GRM7: variants seen among roughly 807,000 people sequenced by gnomAD.
GRM7 encodes glutamate metabotropic receptor 7.
GRM7 carries 35 observed loss-of-function variants against 84.5 expected under a neutral mutation model. That is an observed-to-expected ratio of 0.41 (90% CI 0.32 to 0.55). GRM7 has a LOEUF of 0.55. GRM7 is among the 20% of genes least tolerant of loss of function. The pLI, the probability that GRM7 is intolerant of heterozygous loss-of-function variation, is 0.19. For missense variants in GRM7, 1,003 were observed against 1,194.6 expected (o/e 0.84, Z 2.36); for synonymous variants, 487 against 455.1 (o/e 1.07, Z -0.89).
rs560688467 is a variant in GRM7 at position 7,499,625 on chromosome 3, G to A, written c.1515+37903G>A. Among the ~76,000 whole-genome samples, 4 of 152,246 alleles carry A rather than the reference G, an allele frequency of 2.6e-5. No individual in the cohort carries two copies. The South Asian group carries it at 8.3e-4, about 32-fold the overall frequency. ...ATGAGGAAACTGGGTCACGGAAGAT[G>A]AAAATGCTTCCAGATTACACAGAGT... is the stretch of plus-strand genomic sequence containing the variant. On this transcript the variant is annotated intron_variant, in intron 7 of 9. Transcript: ENST00000357716.
intron 7 of GRM7, among the ~76,000 whole-genome samples, chr3:7,467,675 G>T (rs1012607020): frequency 7.2e-5 from 11 of 152,092 alleles, no homozygotes; most frequent in Non-Finnish European, 1.5e-4. Context: ...AGGTCATATT[G>T]TTTGTGCCCT....
At chr3:7,070,794 T>A (rs1697849441) in intron 1 of GRM7, among the ~76,000 whole-genome samples, 2 of 152,096 alleles carry the variant, frequency 1.3e-5, no homozygotes, top group African/African-American at 4.8e-5. Flanking sequence ...AACTGAGAAC[T>A]GTAGACAGAA....
chr3:7,159,662 C>T (rs896055472), intron 2 of GRM7, among the ~76,000 whole-genome samples: 5 of 152,048 alleles, frequency 3.3e-5, no homozygotes, highest in Admixed American at 6.6e-5. Context: ...CCAGATATAC[C>T]TAGGTTTAAA....
At chr3:6,924,861 G>A (rs553984413) in intron 1 of GRM7, among the ~76,000 whole-genome samples, 1 of 152,276 alleles carries the variant, frequency 6.6e-6, no homozygotes, top group African/African-American at 2.4e-5. Context: ...TTGAGAGAGA[G>A]ACAGGAAATA....
intron 2 of GRM7, among the ~76,000 whole-genome samples, chr3:7,222,708 C>A (rs147029558): frequency 8.3e-4 from 126 of 152,256 alleles, no homozygotes; most frequent in African/African-American, 3.0e-3. Context: ...TTTGTGGCAG[C>A]AAGAAATTAA....
rs540920062 is a variant in GRM7 at position 7,567,516 on chromosome 3, G to A, written c.1516-10906G>A. Among the ~76,000 whole-genome samples the A allele has an allele frequency of 2.6e-5, 4 of 152,180 alleles. No individual in the cohort carries two copies. The South Asian group carries it at 6.2e-4, about 24-fold the overall frequency. ...TAATCCTAGCACTTTGAGAGGCCAA[G>A]GTGGGTGGATTGCATGAGGCCAGGA... On this transcript the variant is annotated intron_variant, in intron 7 of 9. Coordinates refer to ENST00000357716, the MANE Select transcript of GRM7 (RefSeq NM_000844.4).
chr3:7,641,989 A>T (rs1041500654), intron 8 of GRM7, among the ~76,000 whole-genome samples: 14 of 144,636 alleles, frequency 9.7e-5, no homozygotes, highest in South Asian at 8.7e-4. Flanking sequence ...CCATTCAGTG[A>T]GTAAATACAT....
At chr3:6,983,570 A>G (rs563374396) in intron 1 of GRM7, among the ~76,000 whole-genome samples, 81 of 152,188 alleles carry the variant, frequency 5.3e-4, no homozygotes, top group Non-Finnish European at 9.1e-4. Flanking sequence ...TAATTTTCTT[A>G]CATAAAATGA....
At chr3:7,399,828 A>G (rs540273886) in intron 4 of GRM7, among the ~76,000 whole-genome samples, 10 of 152,276 alleles carry the variant, frequency 6.6e-5, no homozygotes, top group Admixed American at 5.9e-4. Context: ...GTAGAAGCAG[A>G]CTGAAGCCAT....
At chr3:7,330,905 G>C (rs1219640992) in intron 4 of GRM7, among the ~76,000 whole-genome samples, 1 of 152,016 alleles carries the variant, frequency 6.6e-6, no homozygotes, top group Admixed American at 6.6e-5. Context: ...ATTTTCATAG[G>C]GCTGATTTAT....
At chr3:7,626,649 C>A (rs535765521) in intron 8 of GRM7, among the ~76,000 whole-genome samples, 1 of 152,238 alleles carries the variant, frequency 6.6e-6, no homozygotes, top group South Asian at 2.1e-4. Context: ...TAGTGGTGAT[C>A]CTTCTGTATG....
chr3:7,454,545 A>G (rs1475386140), intron 6 of GRM7, among the ~76,000 whole-genome samples: 3 of 152,130 alleles, frequency 2.0e-5, no homozygotes, highest in African/African-American at 2.4e-5. Context: ...ATCTGACTAT[A>G]TAAGGCTGAA....
chr3:6,886,848 A>G (rs62235364), intron 1 of GRM7, among the ~76,000 whole-genome samples: 11,155 of 151,816 alleles, frequency 0.073, 555 homozygotes, highest in Non-Finnish European at 0.11. Flanking sequence ...TGTATATATA[A>G]TTCATTTAAT....
chr3:7,270,010 G>C (rs1251331152), intron 2 of GRM7, among the ~76,000 whole-genome samples: 2 of 152,108 alleles, frequency 1.3e-5, no homozygotes, highest in African/African-American at 4.8e-5. Context: ...GAATCACATG[G>C]AAGGCTTGTT....
chr3:7,006,229 A>G (rs1695180124), intron 1 of GRM7, among the ~76,000 whole-genome samples: 1 of 152,220 alleles, frequency 6.6e-6, no homozygotes, highest in African/African-American at 2.4e-5. Context: ...TATCATTTTT[A>G]GATACATAGG....
At chr3:6,991,397 T>C (rs1694629511) in intron 1 of GRM7, among the ~76,000 whole-genome samples, 1 of 152,086 alleles carries the variant, frequency 6.6e-6, no homozygotes. Context: ...AACGCTTGAC[T>C]GCAAGCAAAA....
intron 6 of GRM7, among the ~76,000 whole-genome samples, chr3:7,453,081 G>A (rs917317263): frequency 6.7e-6 from 1 of 149,846 alleles, no homozygotes. Context: ...GAATTTAGGT[G>A]GGTATAGGAT....
chr3:6,908,093 A>G (rs1696643160), intron 1 of GRM7, among the ~76,000 whole-genome samples: 1 of 152,208 alleles, frequency 6.6e-6, no homozygotes, highest in Non-Finnish European at 1.5e-5. Flanking sequence ...GACAAAGAAA[A>G]TAAAAAGACA....
intron 7 of GRM7, among the ~76,000 whole-genome samples, chr3:7,498,944 T>A (rs986243511): frequency 3.9e-5 from 6 of 152,170 alleles, no homozygotes; most frequent in African/African-American, 1.4e-4. Context: ...TATTTATTGC[T>A]ATGTAACAAA....
Sources: gnomAD v4.1 joint callset for allele counts (sites outside exome capture counted in the v4.1 genomes callset) on GRCh38, gnomAD v4.1.1 for gene constraint, MANE v1.5 for transcripts, NCBI Gene and HGNC (gene_info 2026-07-23, HGNC 2026-07-21) for gene names.